The following LUZP1 variants were observed in gnomAD, a reference collection of about 807,000 sequenced individuals.
LUZP1 encodes leucine zipper protein 1.
LUZP1 carries 25 observed loss-of-function variants against 71.3 expected under a neutral mutation model. The observed-to-expected ratio is 0.35, with a 90% CI of 0.26 to 0.49. LUZP1 has a LOEUF of 0.49. LUZP1 is among the 20% of genes least tolerant of loss of function. The probability of loss-of-function intolerance (pLI) is 0.99; values close to 1 mark genes in which losing one functional copy is unlikely to be tolerated. For synonymous variants in LUZP1, 481 were observed against 506.4 expected (o/e 0.95, Z 0.67); for missense variants, 1,142 against 1,300.8 (o/e 0.88, Z 1.88).
intron 2 of LUZP1, among the ~76,000 whole-genome samples, chr1:23,148,002 C>A (rs1037064424): frequency 1.3e-5 from 2 of 152,188 alleles, no homozygotes; most frequent in Non-Finnish European, 2.9e-5. Context: ...ACCCTTATCT[C>A]TTAATATAAA....
At chr1:23,161,420 G>T (rs1010426125) in intron 2 of LUZP1, among the ~76,000 whole-genome samples, 2 of 152,116 alleles carry the variant, frequency 1.3e-5, no homozygotes, top group African/African-American at 4.8e-5. Context: ...GTTCGAGGAA[G>T]ACAGAGCCAT....
intron 2 of LUZP1, among the ~76,000 whole-genome samples, chr1:23,131,746 C>T (rs951588835): frequency 6.6e-6 from 1 of 152,090 alleles, no homozygotes; most frequent in Non-Finnish European, 1.5e-5. Flanking sequence ...AGTACAGTGG[C>T]GTGATCTCGG....
intron 2 of LUZP1, among the ~76,000 whole-genome samples, chr1:23,155,045 G>A (rs149581867): frequency 1.8e-3 from 276 of 151,944 alleles, no homozygotes; most frequent in Middle Eastern, 6.8e-3. Flanking sequence ...CGCATATGTT[G>A]GAAAATGTCT....
chr1:23,156,135 C>A lies in LUZP1; in HGVS notation c.-226+12631G>T, dbSNP rs984238431. ...GTAGCTCACACCTGTAATCCCAGCA[C>A]TTTGGGAGGCCAAGGCAGGTGAATC... On this transcript the variant is annotated intron_variant, in intron 2 of 4. Transcript: ENST00000302291. 2.6e-5 allele frequency among the ~76,000 whole-genome samples: 4 copies of A among 152,156 alleles called. No individual in the cohort carries two copies. In the East Asian group the frequency reaches 5.8e-4, roughly 22 times the overall value.
Position 23,093,089 on chromosome 1 carries a change from C to A in LUZP1, c.1173G>T (p.Arg391=). 1 of 1,614,134 alleles carries A rather than the reference C, an allele frequency of 6.2e-7. No homozygotes were observed. The highest frequency in any genetic ancestry group is 1.3e-5 in the African/African-American group (1 of 75,060). Residue 391 remains arginine (R), a synonymous_variant, in exon 4 of 5, where the codon CGG becomes CGT. Transcript: ENST00000302291. This position sits in a 1 kb window ranked among gnomAD's most constrained non-coding sequence, Gnocchi z 4.2. ...CCCGCTTATGCTGAGGAGACAGTTCCCGCGCTGTGTGCTTGGACACAGAAG... is the reference window on the plus strand; with the variant it reads ...CCCGCTTATGCTGAGGAGACAGTTCACGCGCTGTGTGCTTGGACACAGAAG...
intron 1 of LUZP1, among the ~76,000 whole-genome samples, chr1:23,171,574 C>T (rs1021163805): frequency 2.0e-5 from 3 of 152,228 alleles, no homozygotes; most frequent in Non-Finnish European, 4.4e-5. Flanking sequence ...ATTTCTAGAG[C>T]ACTGGCCTGT....
chr1:23,132,900 T>C (rs1191100060), intron 2 of LUZP1, among the ~76,000 whole-genome samples: 1 of 152,228 alleles, frequency 6.6e-6, no homozygotes, highest in East Asian at 1.9e-4. Context: ...TACTTGATGG[T>C]CTTTAATACA....
chr1:23,123,835 A>G (rs1474344933), intron 2 of LUZP1, among the ~76,000 whole-genome samples: 4 of 152,172 alleles, frequency 2.6e-5, no homozygotes, highest in Non-Finnish European at 5.9e-5. Context: ...ATATAGACCT[A>G]AGACATTTGC....
At chr1:23,121,090 T>A (rs562469028) in intron 2 of LUZP1, among the ~76,000 whole-genome samples, 16 of 152,310 alleles carry the variant, frequency 1.1e-4, no homozygotes, top group African/African-American at 3.9e-4. Context: ...CAACCACATT[T>A]ATAAGCTGCT....
intron 2 of LUZP1, among the ~76,000 whole-genome samples, chr1:23,120,038 C>T (rs1036493674): frequency 7.2e-5 from 11 of 151,758 alleles, no homozygotes. Flanking sequence ...ACCCCCTGGA[C>T]TCAAGCAAAT....
At chr1:23,169,544 CT>C (rs1308356370) in intron 1 of LUZP1, among the ~76,000 whole-genome samples, 1 of 152,202 alleles carries the variant, frequency 6.6e-6, no homozygotes, top group Admixed American at 6.5e-5. Context: ...GCTATTAATT[CT>C]TTGTGTGATG....
chr1:23,091,353 A>G, exon 4 of LUZP1: 1 of 1,614,158 alleles, frequency 6.2e-7, no homozygotes, highest in South Asian at 1.1e-5. Context: ...CTGCTCAAAA[A>G]GGCAGGACCT....
intron 2 of LUZP1, among the ~76,000 whole-genome samples, chr1:23,167,662 C>A (rs1233098567): frequency 6.6e-6 from 1 of 152,230 alleles, no homozygotes; most frequent in Non-Finnish European, 1.5e-5. Context: ...AACAGATGCT[C>A]CAAAGCAAGA....
intron 2 of LUZP1, among the ~76,000 whole-genome samples, chr1:23,145,865 A>T (rs1644339003): frequency 6.6e-6 from 1 of 152,224 alleles, no homozygotes. Flanking sequence ...GCTGGAATTC[A>T]AACTCAATTC....
exon 4 of LUZP1, chr1:23,091,977 T>G (rs755346107): frequency 6.2e-7 from 1 of 1,614,174 alleles, no homozygotes; most frequent in South Asian, 1.1e-5. Flanking sequence ...CACATCCTTA[T>G]CAACAATAAC....
At chr1:23,121,342 T>C (rs913913787) in intron 2 of LUZP1, among the ~76,000 whole-genome samples, 1 of 152,240 alleles carries the variant, frequency 6.6e-6, no homozygotes, top group African/African-American at 2.4e-5. Context: ...CATCTGTTCC[T>C]GTACAATGAC....
intron 4 of LUZP1, among the ~76,000 whole-genome samples, chr1:23,089,710 A>G (rs1275590784): frequency 6.6e-6 from 1 of 151,224 alleles, no homozygotes; most frequent in East Asian, 1.9e-4. Flanking sequence ...CTCCTGCCTC[A>G]GCCTCCCAAG....
At chr1:23,165,283 A>G (rs935044068) in intron 2 of LUZP1, among the ~76,000 whole-genome samples, 1 of 152,210 alleles carries the variant, frequency 6.6e-6, no homozygotes, top group African/African-American at 2.4e-5. Context: ...ACAACTGTAT[A>G]CATGTGTCAA....
rs576060331 is a variant in LUZP1 at position 23,107,577 on chromosome 1, A to G, written c.-120+1445T>C. 2.4e-4 allele frequency among the ~76,000 whole-genome samples: 37 copies of G among 152,206 alleles called. No individual in the cohort carries two copies. In the South Asian group the frequency reaches 6.7e-3, roughly 27 times the overall value. On this transcript the variant is annotated intron_variant, in intron 3 of 4. Transcript: ENST00000302291. ...GCACTCTGGGAGGCCAAGGTGGGCA[A>G]ATCACCTGAGGTCAGGAGTTCAAGA...
Sources: gnomAD v4.1 joint callset for allele counts (sites outside exome capture counted in the v4.1 genomes callset) on GRCh38, gnomAD v4.1.1 for gene constraint, Gnocchi (gnomAD v3.1) non-coding constraint, MANE v1.5 for transcripts, NCBI Gene and HGNC (gene_info 2026-07-23, HGNC 2026-07-21) for gene names.